MAGI2: variants seen among roughly 807,000 people sequenced by gnomAD.
MAGI2 encodes membrane-associated guanylate kinase, WW and PDZ domain-containing protein 2.
A neutral mutation model predicts 133.3 loss-of-function variants in MAGI2; 35 were observed. The observed-to-expected ratio is 0.26, with a 90% CI of 0.20 to 0.35. The LOEUF (loss-of-function observed/expected upper bound fraction) is 0.35, where lower values mean the gene tolerates loss of function less well. MAGI2 is among the 10% of genes least tolerant of loss of function. The probability of loss-of-function intolerance (pLI) is 1.00; values close to 1 mark genes in which losing one functional copy is unlikely to be tolerated. For synonymous variants in MAGI2, 729 were observed against 710.6 expected (o/e 1.03, Z -0.41); for missense variants, 1,636 against 1,863.4 (o/e 0.88, Z 2.25).
chr7:79,080,634 C>T (rs1452508546), intron 1 of MAGI2, among the ~76,000 whole-genome samples: 1 of 151,982 alleles, frequency 6.6e-6, no homozygotes, highest in African/African-American at 2.4e-5. Context: ...ATCTTCAAAG[C>T]TCTTATATTC....
At chr7:78,805,348 A>G (rs928741588) in intron 2 of MAGI2, among the ~76,000 whole-genome samples, 1 of 151,894 alleles carries the variant, frequency 6.6e-6, no homozygotes. Flanking sequence ...TGCTCATTTA[A>G]TCATGTTCTT....
chr7:79,137,737 A>G (rs1323729168), intron 1 of MAGI2, among the ~76,000 whole-genome samples: 1 of 152,008 alleles, frequency 6.6e-6, no homozygotes, highest in Non-Finnish European at 1.5e-5. Flanking sequence ...TGCTGGGATT[A>G]CGGGCATAAG....
At chr7:79,366,317 T>C (rs1842709715) in intron 1 of MAGI2, among the ~76,000 whole-genome samples, 1 of 152,234 alleles carries the variant, frequency 6.6e-6, no homozygotes, top group Non-Finnish European at 1.5e-5. Context: ...ATTCCATTTA[T>C]ACGACATTTT....
At chr7:78,238,084 T>A (rs192127839) in intron 10 of MAGI2, among the ~76,000 whole-genome samples, 1 of 152,326 alleles carries the variant, frequency 6.6e-6, no homozygotes, top group African/African-American at 2.4e-5. Flanking sequence ...ACATGGTTTT[T>A]CTTCTTCCTC....
chr7:78,741,328 G>C (rs1376156442), intron 2 of MAGI2, among the ~76,000 whole-genome samples: 1 of 149,308 alleles, frequency 6.7e-6, no homozygotes, highest in Non-Finnish European at 1.5e-5. Flanking sequence ...CATTTGGCTA[G>C]AACAAAACAG....
chr7:78,657,557 G>A (rs143155732), intron 2 of MAGI2, among the ~76,000 whole-genome samples: 195 of 152,326 alleles, frequency 1.3e-3, no homozygotes, highest in Non-Finnish European at 2.0e-3. Context: ...AGATGCCAAT[G>A]TGAAAAGGCT....
intron 2 of MAGI2, among the ~76,000 whole-genome samples, chr7:78,648,510 C>T (rs1181334584): frequency 1.3e-5 from 2 of 152,104 alleles, no homozygotes; most frequent in Non-Finnish European, 2.9e-5. Context: ...TTTTTCTTCA[C>T]TTGTCTTTTA....
chr7:78,038,643 G>A (rs1415438740), intron 21 of MAGI2, among the ~76,000 whole-genome samples: 1 of 152,168 alleles, frequency 6.6e-6, no homozygotes. Flanking sequence ...TTCACATGCG[G>A]GTTGAAGTTC....
intron 1 of MAGI2, among the ~76,000 whole-genome samples, chr7:79,106,984 T>C (rs1479811406): frequency 1.3e-5 from 2 of 152,152 alleles, no homozygotes; most frequent in Non-Finnish European, 2.9e-5. Flanking sequence ...ATTAGAGTAA[T>C]TTACTCTGGT....
intron 21 of MAGI2, among the ~76,000 whole-genome samples, chr7:78,061,409 TAC>T (rs59531463): frequency 0.073 from 10,188 of 139,498 alleles, 438 homozygotes; most frequent in African/African-American, 0.11. Context: ...GGACTGGTTG[TAC>T]ACACACACAC....
At chr7:78,163,709 A>C (rs1341418459) in intron 15 of MAGI2, among the ~76,000 whole-genome samples, 1 of 151,952 alleles carries the variant, frequency 6.6e-6, no homozygotes, top group Non-Finnish European at 1.5e-5. Flanking sequence ...GATAGAGATC[A>C]TCCTGGCTAA....
At chr7:78,453,728 C>A (rs1029060374) in intron 6 of MAGI2, among the ~76,000 whole-genome samples, 2 of 152,110 alleles carry the variant, frequency 1.3e-5, no homozygotes, top group Non-Finnish European at 2.9e-5. Context: ...ATAATTTCTA[C>A]CAAAAATCCC....
rs77220189 is a variant in MAGI2 at position 78,159,085 on chromosome 7, A to G, written c.2845+940T>C. On this transcript the variant is annotated intron_variant, in intron 16 of 21. Coordinates refer to ENST00000354212, the MANE Select transcript of MAGI2 (RefSeq NM_012301.4). ...TTCCCAAGCCCCTACCCACCAAATT[A>G]TCTTTAAAAACTCTGATCCCTGAAT... Among the ~76,000 whole-genome samples, 708 of 152,126 alleles carry G rather than the reference A, an allele frequency of 4.7e-3. 7 individuals carry two copies. Among genetic ancestry groups the G allele is most frequent in the African/African-American group, 0.016 (672 of 41,480 alleles).
intron 1 of MAGI2, among the ~76,000 whole-genome samples, chr7:79,111,659 TTTTG>T (rs568940718): frequency 5.1e-4 from 77 of 152,008 alleles, no homozygotes; most frequent in African/African-American, 1.6e-3. Context: ...AAATAGAGAC[TTTTG>T]TTTGTTTGTT....
intron 2 of MAGI2, among the ~76,000 whole-genome samples, chr7:78,899,034 A>G (rs2151588382): frequency 6.6e-6 from 1 of 152,224 alleles, no homozygotes; most frequent in South Asian, 2.1e-4. Context: ...ACTATTAATT[A>G]GGGGTTTTTT....
intron 10 of MAGI2, among the ~76,000 whole-genome samples, chr7:78,209,139 G>A (rs1265266097): frequency 2.2e-4 from 19 of 85,744 alleles, no homozygotes; most frequent in Non-Finnish European, 3.7e-4. Context: ...GGAGAATGGC[G>A]TGAACCCGGG....
chr7:78,762,622 CCT>C (rs546433638), intron 2 of MAGI2, among the ~76,000 whole-genome samples: 114 of 152,274 alleles, frequency 7.5e-4, no homozygotes, highest in African/African-American at 2.7e-3. Flanking sequence ...TGTCCTACAA[CCT>C]CTATTAGGTA....
At chr7:79,295,965 T>C (rs567424224) in intron 1 of MAGI2, among the ~76,000 whole-genome samples, 2 of 152,336 alleles carry the variant, frequency 1.3e-5, no homozygotes, top group African/African-American at 4.8e-5. Flanking sequence ...TGTCATATGC[T>C]GTTCTAGTGA....
intron 6 of MAGI2, among the ~76,000 whole-genome samples, chr7:78,377,597 A>G (rs1295670044): frequency 6.6e-6 from 1 of 151,436 alleles, no homozygotes; most frequent in African/African-American, 2.4e-5. Flanking sequence ...TGAATATCAA[A>G]TATCTGCAGA....
Sources: allele counts gnomAD v4.1 joint callset (sites outside exome capture counted in the v4.1 genomes callset), GRCh38; gene constraint gnomAD v4.1.1; transcripts MANE v1.5; gene names NCBI Gene and HGNC (gene_info 2026-07-23, HGNC 2026-07-21).